ADAMTS7: variants seen among roughly 807,000 people sequenced by gnomAD.
The protein encoded by ADAMTS7 is ADAM metallopeptidase with thrombospondin type 1 motif 7, also known as A disintegrin and metalloproteinase with thrombospondin motifs 7.
Under a neutral mutation model 172.6 loss-of-function variants are expected in ADAMTS7, and 89 were observed. The observed-to-expected ratio is 0.52, with a 90% CI of 0.43 to 0.61. ADAMTS7 has a LOEUF of 0.61. Among genes scored for constraint, ADAMTS7 ranks in the 20% least tolerant of loss-of-function variants. The pLI, the probability that ADAMTS7 is intolerant of heterozygous loss-of-function variation, is 0.00. For synonymous variants in ADAMTS7, 885 were observed against 978.4 expected (o/e 0.90, Z 1.78); for missense variants, 1,973 against 2,355.6 (o/e 0.84, Z 3.36).
chr15:78,762,616 G>C (rs755094060), intron 22 of ADAMTS7, 51 bp from the exon 23 acceptor site: 2 of 1,226,544 alleles, frequency 1.6e-6, no homozygotes, highest in Non-Finnish European at 1.1e-6. Context: ...CCCTAGCAGT[G>C]GGGGCAGGGA....
chr15:78,762,363 C>T (rs752503594), intron 23 of ADAMTS7, 40 bp downstream of exon 23: 208 of 1,369,916 alleles, frequency 1.5e-4, no homozygotes, highest in Non-Finnish European at 1.9e-4. Flanking sequence ...CTCCCCACCC[C>T]ACCTCACTTC....
chr15:78,766,308 G>A lies in ADAMTS7; in HGVS notation c.3603C>T (p.Asp1201=). 3.1e-6 allele frequency: 5 copies of A among 1,611,428 alleles called. No homozygotes were observed. Among genetic ancestry groups the A allele is most frequent in the Non-Finnish European group, 4.2e-6 (5 of 1,180,014 alleles). The part of the protein sequence containing the change: ...ESQNDFPVGK[D]SQSQLPPPWR... ...ATGGAGGGGGCAGCTGGCTCTGGCT[G>A]TCCTTGCCAACTGGGAAATCATTTT... The change falls in exon 19 of 24, where the codon GAC becomes GAT. Residue 1201 remains aspartate, a synonymous_variant. Coordinates refer to ENST00000388820, the MANE Select transcript of ADAMTS7 (RefSeq NM_014272.5).
rs2055299810 is a variant in ADAMTS7 at position 78,774,227 on chromosome 15, A to T, written c.1950T>A (p.Asp650Glu). Residue 650 changes from aspartate (D) to glutamate (E), a missense_variant, in exon 13 of 24, where the codon GAT (aspartate) becomes GAA (glutamate). Physicochemically the swap from Asp to Glu is conservative, Grantham distance 45 (BLOSUM62 2). Around this residue, in one of 8 missense-constraint regions of ADAMTS7, gnomAD observed 526 missense variants for 662.9 expected, o/e 0.79. Coordinates refer to ENST00000388820, the MANE Select transcript of ADAMTS7 (RefSeq NM_014272.5). ...FAEKLRDAVV[D>E]GTPCYQVRAS... ...CTCGGACCTGGTAGCAGGGGGTGCCATCGACCACGGCGTCCCGCAGCTTCT... is the reference window on the plus strand; with the variant it reads ...CTCGGACCTGGTAGCAGGGGGTGCCTTCGACCACGGCGTCCCGCAGCTTCT... The T allele has an allele frequency of 6.3e-7, 1 of 1,587,960 alleles. No individual in the cohort carries two copies. The highest frequency in any genetic ancestry group is 2.2e-5 in the East Asian group (1 of 44,500).
chr15:78,807,527 A>C (rs946036737), intron 1 of ADAMTS7, among the ~76,000 whole-genome samples: 1 of 152,246 alleles, frequency 6.6e-6, no homozygotes, highest in African/African-American at 2.4e-5. Flanking sequence ...CTAGAGCCAG[A>C]GAGGCTGTGT....
chr15:78,800,398 G>A lies in ADAMTS7; in HGVS notation c.250C>T (p.Leu84=). The stretch of plus-strand genomic sequence containing the variant: ...CGCAGCTCGCGCCCGCGGTATTGTA[G>A]CTCGTAGAAGGCGGGCGCGTCTCGG... ...VRRDAPAFYE[L]QYRGRELRFN... The change falls in exon 2 of 24, where the codon CTA becomes TTA. Residue 84 remains leucine (L), a synonymous_variant. Transcript: ENST00000388820. 6.2e-7 allele frequency: 1 copy of A among 1,608,806 alleles called. No individual in the cohort carries two copies. The highest frequency in any genetic ancestry group is 8.5e-7 in the Non-Finnish European group (1 of 1,177,954).
chr15:78,786,995 A>G (rs1204752640), intron 8 of ADAMTS7, among the ~76,000 whole-genome samples: 1 of 151,978 alleles, frequency 6.6e-6, no homozygotes, highest in Non-Finnish European at 1.5e-5. Context: ...CAGTGAACAT[A>G]TTTTCTCTTC....
chr15:78,791,011 AG>A, intron 5 of ADAMTS7, 128 bp downstream of exon 5: 2 of 1,261,472 alleles, frequency 1.6e-6, no homozygotes, highest in Non-Finnish European at 1.1e-6. Flanking sequence ...AGGGGGTGGC[AG>A]GGGACACGGT....
At chr15:78,787,782 G>C (rs1182029002) in intron 8 of ADAMTS7, among the ~76,000 whole-genome samples, 1 of 152,108 alleles carries the variant, frequency 6.6e-6, no homozygotes, top group Admixed American at 6.5e-5. Flanking sequence ...TCTCTGACCG[G>C]ACCTTGTGGC....
intron 7 of ADAMTS7, 122 bp from the exon 8 acceptor site, chr15:78,788,496 C>G: frequency 8.3e-7 from 1 of 1,207,738 alleles, no homozygotes; most frequent in Non-Finnish European, 1.2e-6. Context: ...CACCCAATGG[C>G]TGCACCCAAT....
rs1302398012 is a variant in ADAMTS7 at position 78,811,436 on chromosome 15, G to A, written c.-216C>T. ...CGCTGCAGAGGCAAAGAAAAGACAA[G>A]AGAGCTAGAAGGAGAGAAAGAAAGA... On this transcript the variant is annotated 5_prime_UTR_variant, in exon 1 of 24. Coordinates refer to ENST00000388820, the MANE Select transcript of ADAMTS7 (RefSeq NM_014272.5). 2 of 386,904 alleles carry A rather than the reference G, an allele frequency of 5.2e-6. No individual in the cohort carries two copies. The highest frequency in any genetic ancestry group is 4.1e-5 in the East Asian group (1 of 24,524). The allele number at this position is 386,904 out of a possible 1,614,324, so 24.0% of individuals were successfully genotyped here.
intron 6 of ADAMTS7, 78 bp from the exon 7 acceptor site, chr15:78,789,916 C>T: frequency 6.7e-7 from 1 of 1,498,596 alleles, no homozygotes; most frequent in Non-Finnish European, 8.9e-7. Context: ...AGGGAAGGGT[C>T]CCCCCGAATT....
chr15:78,807,169 C>A (rs919623222), intron 1 of ADAMTS7, among the ~76,000 whole-genome samples: 1 of 152,194 alleles, frequency 6.6e-6, no homozygotes, highest in Non-Finnish European at 1.5e-5. Context: ...GGCACTGATG[C>A]CAACCAGCTC....
At chr15:78,776,372 A>G (rs776278187) in intron 10 of ADAMTS7, 39 bp from the exon 11 acceptor site, 7 of 1,593,814 alleles carry the variant, frequency 4.4e-6, no homozygotes, top group Admixed American at 1.7e-5. Flanking sequence ...CCCACCCCCA[A>G]GTCTATCAGT....
intron 4 of ADAMTS7, among the ~76,000 whole-genome samples, chr15:78,791,430 C>T (rs2055580169): frequency 6.6e-6 from 1 of 152,184 alleles, no homozygotes; most frequent in Non-Finnish European, 1.5e-5. Flanking sequence ...ACACACTGCC[C>T]CAATGTGGCA....
chr15:78,762,835 C>T (rs1031020380), intron 22 of ADAMTS7, among the ~76,000 whole-genome samples: 1 of 152,222 alleles, frequency 6.6e-6, no homozygotes, highest in Non-Finnish European at 1.5e-5. Context: ...GGGCAGTGAG[C>T]CCCTCACACA....
In ADAMTS7 at chr15:78,766,714, T is replaced by C; in HGVS notation, c.3197A>G (p.Asp1066Gly). The C allele has an allele frequency of 6.2e-7, 1 of 1,610,846 alleles. No homozygotes were observed. Among genetic ancestry groups the C allele is most frequent in the Non-Finnish European group, 8.5e-7 (1 of 1,179,810 alleles). ...GPVFVDDFYY[D>G]YNFINFHEDL... Reference sequence around the variant, plus strand: ...CTCGTGGAAATTGATGAAATTGTAGTCGTAGTAGAAGTCGTCCACAAACAC... The same window carrying C: ...CTCGTGGAAATTGATGAAATTGTAGCCGTAGTAGAAGTCGTCCACAAACAC... Residue 1066 changes from aspartate to glycine, a missense_variant, in exon 19 of 24, where the codon GAC becomes GGC. Physicochemically the swap from Asp to Gly is moderately conservative, Grantham distance 94 (BLOSUM62 -1). Coordinates refer to ENST00000388820, the MANE Select transcript of ADAMTS7 (RefSeq NM_014272.5).
intron 7 of ADAMTS7, among the ~76,000 whole-genome samples, chr15:78,789,136 G>T (rs1450472000): frequency 2.6e-5 from 4 of 152,246 alleles, no homozygotes; most frequent in Non-Finnish European, 4.4e-5. Flanking sequence ...GCCTTTGATG[G>T]CTTGCTAGAC....
chr15:78,760,637 T>C (rs2055028128), intron 23 of ADAMTS7, among the ~76,000 whole-genome samples: 1 of 152,148 alleles, frequency 6.6e-6, no homozygotes, highest in Non-Finnish European at 1.5e-5. Context: ...GGCCATGCTG[T>C]GTCACTGCAG....
rs140280485 is a variant in ADAMTS7, at chr15:78,764,958, T to C, written c.4267-251A>G. 1,221 of 428,784 alleles carry C rather than the reference T, an allele frequency of 2.8e-3. 8 individuals are homozygous for C. The highest frequency in any genetic ancestry group is 3.7e-3 in the Non-Finnish European group (911 of 243,732). 26.6% of individuals were successfully genotyped at this position (428,784 alleles called of 1,614,324 possible). A position where few individuals can be genotyped will look rare whatever the true frequency, so the allele number is the denominator to read the frequency against. On this transcript the variant is annotated intron_variant, in intron 19 of 23. Transcript: ENST00000388820. The stretch of plus-strand genomic sequence containing the variant: ...ACAAAGGGCCTGTGTTCCAGTGTCA[T>C]TGGTGCAGAGGTGGGGGGAGGGGAC...
Sources: gnomAD v4.1 joint callset for allele counts (sites outside exome capture counted in the v4.1 genomes callset) on GRCh38, gnomAD v4.1.1 for gene constraint, gnomAD v4.1.1 regional missense constraint, MANE v1.5 for transcripts, NCBI Gene and HGNC (gene_info 2026-07-23, HGNC 2026-07-21) for gene names.